Variants in UNC13C observed in about 807,000 individuals in gnomAD.
The protein encoded by UNC13C is protein unc-13 homolog C.
UNC13C carries 174 observed loss-of-function variants against 245.4 expected under a neutral mutation model. The ratio of observed to expected loss-of-function variants is 0.71; its 90% CI spans 0.63 to 0.80. UNC13C has a LOEUF of 0.80. UNC13C is among the 30% of genes least tolerant of loss of function. The pLI, the probability that UNC13C is intolerant of heterozygous loss-of-function variation, is 0.00. For synonymous variants in UNC13C, 992 were observed against 895.1 expected, an observed-to-expected ratio of 1.11 and a Z score of -1.93; for missense variants, 2,829 against 2,602.9, an observed-to-expected ratio of 1.09 and a Z score of -1.89.
chr15:54,245,781 A>T (rs1370035705), intron 7 of UNC13C, among the ~76,000 whole-genome samples: 1 of 152,152 alleles, frequency 6.6e-6, no homozygotes, highest in Non-Finnish European at 1.5e-5. Context: ...CATCAAGTAT[A>T]TGAAAAATGG....
intron 19 of UNC13C, among the ~76,000 whole-genome samples, chr15:54,431,795 T>C (rs944323100): frequency 2.0e-5 from 3 of 151,754 alleles, no homozygotes; most frequent in East Asian, 2.0e-4. Flanking sequence ...TAGTCATTCT[T>C]TAAGATCATT....
chr15:53,992,551 G>A (rs1894439079), intron 1 of UNC13C, among the ~76,000 whole-genome samples: 1 of 152,068 alleles, frequency 6.6e-6, no homozygotes, highest in Admixed American at 6.6e-5. Context: ...GAGAATCTAG[G>A]GATCCAAGAG....
rs1305102742 is a variant in UNC13C at position 54,300,223 on chromosome 15, A to T, written c.4118A>T (p.Tyr1373Phe). Residue 1373 changes from tyrosine (Y) to phenylalanine (F), a missense_variant, in exon 13 of 33, where the codon TAC becomes TTC. By Grantham distance (22) the Tyr-to-Phe change is conservative (BLOSUM62 3). Coordinates refer to ENST00000260323, the MANE Select transcript of UNC13C (RefSeq NM_001080534.3). Reference sequence around the variant, plus strand: ...ACTTGCTTTTAGAATCTGTTCCATTACTTGACTGAAGTGAAATCTAATGGT... The same window carrying T: ...ACTTGCTTTTAGAATCTGTTCCATTTCTTGACTGAAGTGAAATCTAATGGT... ...YTCLHENLFH[Y>F]LTEVKSNGGV... 6.3e-7 allele frequency: 1 copy of T among 1,599,874 alleles called. No homozygotes were observed. The highest frequency in any genetic ancestry group is 1.7e-5 in the Admixed American group (1 of 57,920).
intron 8 of UNC13C, among the ~76,000 whole-genome samples, chr15:54,258,398 C>G (rs1041390526): frequency 2.6e-5 from 4 of 152,166 alleles, no homozygotes; most frequent in African/African-American, 9.7e-5. Flanking sequence ...AAGTCCCACT[C>G]TGTCTCCCAG....
intron 23 of UNC13C, 49 bp downstream of exon 23, chr15:54,507,243 C>A: frequency 8.0e-7 from 1 of 1,255,480 alleles, no homozygotes; most frequent in Non-Finnish European, 1.1e-6. Context: ...TTGAGATTTA[C>A]TTCTTCAAAG....
At chr15:54,089,626 C>T (rs1335108785) in intron 2 of UNC13C, among the ~76,000 whole-genome samples, 1 of 150,916 alleles carries the variant, frequency 6.6e-6, no homozygotes, top group African/African-American at 2.4e-5. Flanking sequence ...TCAATTAATC[C>T]AGTGAAAGCA....
chr15:54,053,663 AT>A (rs1297373472), intron 2 of UNC13C, among the ~76,000 whole-genome samples: 1 of 152,014 alleles, frequency 6.6e-6, no homozygotes, highest in Non-Finnish European at 1.5e-5. Flanking sequence ...TCTTTTACTT[AT>A]TTTTAAATGT....
chr15:54,120,563 A>G (rs2030596281), intron 2 of UNC13C, among the ~76,000 whole-genome samples: 1 of 152,276 alleles, frequency 6.6e-6, no homozygotes, highest in African/African-American at 2.4e-5. Context: ...TCAGGGAGTA[A>G]TTTTGACTCT....
chr15:54,108,431 C>T (rs951107867), intron 2 of UNC13C, among the ~76,000 whole-genome samples: 2 of 152,172 alleles, frequency 1.3e-5, no homozygotes, highest in African/African-American at 4.8e-5. Context: ...TCATGATCCG[C>T]CCGCTTTGGC....
Position 54,455,207 on chromosome 15 carries a change from A to ATCTCTCTCTCTCTCTCTCTCTC in UNC13C, c.4934-39400_4934-39399insCTCTCTCTCTCTCTCTCTCTCT, listed in dbSNP as rs1891434538. On this transcript the variant is annotated intron_variant, in intron 19 of 32. Transcript: ENST00000260323. ...TCTCTCTCTCTCTCTCTCTCTCTCT[A>ATCTCTCTCTCTCTCTCTCTCTC]TATATATATATATATATATATATAT... Among the ~76,000 whole-genome samples, 3 of 19,006 alleles carry ATCTCTCTCTCTCTCTCTCTCTC rather than the reference A, an allele frequency of 1.6e-4. No homozygotes were observed. The South Asian group carries it at 8.7e-3, about 55-fold the overall frequency. The allele number at this position is 19,006 out of a possible 152,430, so 12.5% of individuals were successfully genotyped here.
chr15:54,094,575 T>G (rs768828349), intron 2 of UNC13C, among the ~76,000 whole-genome samples: 8 of 152,176 alleles, frequency 5.3e-5, no homozygotes, highest in Non-Finnish European at 1.2e-4. Flanking sequence ...CCCTTCAAAA[T>G]TGTTTTTAGA....
intron 24 of UNC13C, among the ~76,000 whole-genome samples, chr15:54,521,580 G>C (rs927111581): frequency 6.6e-6 from 1 of 152,130 alleles, no homozygotes; most frequent in African/African-American, 2.4e-5. Context: ...ATTTTCTTTA[G>C]ACCTCTAGGG....
intron 30 of UNC13C, among the ~76,000 whole-genome samples, chr15:54,589,507 C>G (rs1384461511): frequency 1.3e-5 from 2 of 151,870 alleles, no homozygotes; most frequent in Non-Finnish European, 2.9e-5. Flanking sequence ...CCATGTTGAC[C>G]AGGCTGGTCT....
chr15:54,113,821 C>T (rs374875857), intron 2 of UNC13C, among the ~76,000 whole-genome samples: 4 of 151,736 alleles, frequency 2.6e-5, no homozygotes, highest in African/African-American at 7.3e-5. Context: ...GTGAGACTCT[C>T]CCTCAAAAAA....
At position 54,560,290 on chromosome 15, in the gene UNC13C, T is replaced by G. The variant is rs1377125960; in HGVS notation, c.5958+4778T>G. ...GGAAACAATAGCATGTTCCCATGAG[T>G]CAGTAAAAATATTATATTGTGCAAG... On this transcript the variant is annotated intron_variant, in intron 29 of 32. Coordinates refer to ENST00000260323, the MANE Select transcript of UNC13C (RefSeq NM_001080534.3). Among the ~76,000 whole-genome samples, 3 of 151,942 alleles carry G rather than the reference T, an allele frequency of 2.0e-5. No homozygotes were observed. In the East Asian group the frequency reaches 5.8e-4, roughly 30 times the overall value.
chr15:54,052,611 G>A lies in UNC13C; in HGVS notation c.2983+36725G>A, dbSNP rs988463848. Reference sequence around the variant, plus strand: ...GAATGATAAATGACATGTTTATGGTGTTGAAGTGTTTTATCCACGAAGAAA... The same window carrying A: ...GAATGATAAATGACATGTTTATGGTATTGAAGTGTTTTATCCACGAAGAAA... On this transcript the variant is annotated intron_variant, in intron 2 of 32. Coordinates refer to ENST00000260323, the MANE Select transcript of UNC13C (RefSeq NM_001080534.3). 4.6e-5 allele frequency among the ~76,000 whole-genome samples: 7 copies of A among 152,338 alleles called. 1 individual carries two copies. The highest frequency in any genetic ancestry group is 8.8e-5 in the Non-Finnish European group (6 of 68,022).
chr15:54,204,698 T>G (rs2034652560), intron 4 of UNC13C, among the ~76,000 whole-genome samples: 1 of 152,058 alleles, frequency 6.6e-6, no homozygotes, highest in South Asian at 2.1e-4. Flanking sequence ...CTTTACCAGA[T>G]AAGTAACTTA....
At chr15:54,241,124 TTTA>T (rs1160459229) in intron 7 of UNC13C, among the ~76,000 whole-genome samples, 1 of 151,968 alleles carries the variant, frequency 6.6e-6, no homozygotes, top group Non-Finnish European at 1.5e-5. Flanking sequence ...TCAGATGAGG[TTTA>T]TGGGAAACCA....
the UNC13C span, among the ~76,000 whole-genome samples, chr15:53,936,589 A>G: frequency 6.6e-6 from 1 of 152,282 alleles, no homozygotes; most frequent in African/African-American, 2.4e-5. Context: ...ACCTCCCAAC[A>G]GGGGTCTCCA....
Sources: gnomAD v4.1 joint callset for allele counts (sites outside exome capture counted in the v4.1 genomes callset) on GRCh38, gnomAD v4.1.1 for gene constraint, MANE v1.5 for transcripts, NCBI Gene and HGNC (gene_info 2026-07-23, HGNC 2026-07-21) for gene names.